The following PCDH9 variants were observed in gnomAD, a reference collection of about 807,000 sequenced individuals.
The protein encoded by PCDH9 is protocadherin 9.
PCDH9 carries 24 observed loss-of-function variants against 70.6 expected under a neutral mutation model. The ratio of observed to expected loss-of-function variants is 0.34; its 90% CI spans 0.25 to 0.48. The LOEUF (loss-of-function observed/expected upper bound fraction) is 0.48. Among genes scored for constraint, PCDH9 ranks in the 20% least tolerant of loss-of-function variants. PCDH9 has a pLI of 0.99. For synonymous variants in PCDH9, 562 were observed against 558.5 expected (o/e 1.01, Z -0.09); for missense variants, 1,281 against 1,503.6 (o/e 0.85, Z 2.45).
chr13:66,630,706 CT>C (rs5804285), intron 4 of PCDH9: 129,412 of 151,572 alleles, frequency 0.85, 56,008 homozygotes, highest in East Asian at 0.96. Context: ...TGATTTAATC[CT>C]TTTTTTTTTA....
At chr13:66,400,142 T>C (rs1033121955) in intron 4 of PCDH9, among the ~76,000 whole-genome samples, 2 of 152,200 alleles carry the variant, frequency 1.3e-5, no homozygotes, top group African/African-American at 4.8e-5. Context: ...CTTGCTGTCA[T>C]TGGTCATCCA....
At chr13:67,207,773 C>T (rs1272741707) in intron 2 of PCDH9, 2 of 152,258 alleles carry the variant, frequency 1.3e-5, no homozygotes, top group Non-Finnish European at 1.5e-5. Context: ...AAAGCTATGA[C>T]TAATCATGTC....
chr13:66,963,874 A>G (rs1251468511), intron 2 of PCDH9, among the ~76,000 whole-genome samples: 1 of 152,128 alleles, frequency 6.6e-6, no homozygotes, highest in Non-Finnish European at 1.5e-5. Flanking sequence ...GATAATGCAA[A>G]CTTTTTATAT....
At chr13:66,957,549 C>T (rs2083283079) in intron 2 of PCDH9, among the ~76,000 whole-genome samples, 2 of 152,270 alleles carry the variant, frequency 1.3e-5, no homozygotes, top group Admixed American at 1.3e-4. Flanking sequence ...AAAGCCCTAA[C>T]CCTCCATCCC....
chr13:67,119,443 C>CT (rs1357758175), intron 2 of PCDH9, among the ~76,000 whole-genome samples: 4 of 151,900 alleles, frequency 2.6e-5, no homozygotes, highest in Admixed American at 6.6e-5. Context: ...TTAAATATAG[C>CT]TATTAAAAAT....
chr13:66,305,064 A>C (rs921817888), intron 4 of PCDH9, 36 bp from the exon 5 acceptor site: 2 of 1,533,644 alleles, frequency 1.3e-6, no homozygotes, highest in Non-Finnish European at 1.8e-6. Flanking sequence ...AAGAAAAGGA[A>C]GTGGTTAAAA....
At chr13:67,015,703 C>T (rs2084547143) in intron 2 of PCDH9, among the ~76,000 whole-genome samples, 2 of 152,162 alleles carry the variant, frequency 1.3e-5, no homozygotes. Flanking sequence ...TCAACATCCA[C>T]CTACTATTCA....
chr13:66,727,032 A>T (rs1490329579), intron 3 of PCDH9, among the ~76,000 whole-genome samples: 1 of 152,110 alleles, frequency 6.6e-6, no homozygotes, highest in Admixed American at 6.6e-5. Flanking sequence ...CTGAATTGGG[A>T]GGATTGCTTG....
At chr13:67,004,629 T>A (rs970288397) in intron 2 of PCDH9, among the ~76,000 whole-genome samples, 25 of 151,220 alleles carry the variant, frequency 1.7e-4, no homozygotes, top group Non-Finnish European at 3.4e-4. Context: ...TATTTCAAAA[T>A]CAATATGTTT....
intron 2 of PCDH9, among the ~76,000 whole-genome samples, chr13:67,195,428 C>T (rs527972806): frequency 6.6e-6 from 1 of 152,292 alleles, no homozygotes; most frequent in South Asian, 2.1e-4. Flanking sequence ...CAGGCGTGAG[C>T]CACCGCGTAC....
chr13:66,321,097 TAGCTTACTGGGCTCCTGA>T (rs1955745456), intron 4 of PCDH9, among the ~76,000 whole-genome samples: 2 of 152,026 alleles, frequency 1.3e-5, no homozygotes, highest in South Asian at 4.1e-4. Flanking sequence ...TACACTGTCT[TAGCTTACTGGGCTCCTGA>T]AGCAAACTGT....
chr13:66,572,433 C>T (rs34591072), intron 4 of PCDH9, among the ~76,000 whole-genome samples: 1 of 151,844 alleles, frequency 6.6e-6, no homozygotes, highest in African/African-American at 2.4e-5. Context: ...CAATTTTTTT[C>T]GTTCCCACAT....
At chr13:66,724,382 T>C (rs2078979078) in intron 3 of PCDH9, among the ~76,000 whole-genome samples, 1 of 152,188 alleles carries the variant, frequency 6.6e-6, no homozygotes, top group African/African-American at 2.4e-5. Flanking sequence ...CCCTGCTTCA[T>C]CTAAGGGAGC....
chr13:66,779,847 CTCTA>C (rs1566189344), intron 3 of PCDH9, among the ~76,000 whole-genome samples: 2 of 59,700 alleles, frequency 3.4e-5, no homozygotes, highest in Admixed American at 2.2e-4. Flanking sequence ...CTCTCTCTCT[CTCTA>C]TATATATATA....
chr13:66,750,102 C>G (rs754965420), intron 3 of PCDH9, among the ~76,000 whole-genome samples: 2 of 152,028 alleles, frequency 1.3e-5, no homozygotes, highest in Non-Finnish European at 2.9e-5. Flanking sequence ...TGTGCACACA[C>G]ACACACAATA....
At chr13:66,332,752 G>A (rs1955965807) in intron 4 of PCDH9, among the ~76,000 whole-genome samples, 1 of 151,218 alleles carries the variant, frequency 6.6e-6, no homozygotes, top group East Asian at 1.9e-4. Flanking sequence ...GAGGAGAAGG[G>A]GACAGAGCAG....
intron 4 of PCDH9, among the ~76,000 whole-genome samples, chr13:66,604,714 T>C (rs536698022): frequency 1.9e-4 from 29 of 152,210 alleles, no homozygotes; most frequent in African/African-American, 7.0e-4. Flanking sequence ...TATTAAAATA[T>C]ATACACAAAT....
At chr13:66,539,360 C>T (rs565291991) in intron 4 of PCDH9, among the ~76,000 whole-genome samples, 34 of 152,112 alleles carry the variant, frequency 2.2e-4, no homozygotes, top group African/African-American at 7.5e-4. Flanking sequence ...GGGAGGGACT[C>T]GGAAGAAAGT....
chr13:66,309,092 G>A lies in PCDH9; in HGVS notation c.3341-4064C>T, dbSNP rs114938320. Reference sequence around the variant, plus strand: ...TTATGGGGTACTTACTTTATGCTTCGGTAAGTTTTTATTTTGGGACATGAC... The same window carrying A: ...TTATGGGGTACTTACTTTATGCTTCAGTAAGTTTTTATTTTGGGACATGAC... On this transcript the variant is annotated intron_variant, in intron 4 of 4. Transcript: ENST00000377865. 6.4e-3 allele frequency among the ~76,000 whole-genome samples: 966 copies of A among 151,798 alleles called. 6 individuals are homozygous for A. Among genetic ancestry groups the A allele is most frequent in the African/African-American group, 0.022 (913 of 41,412 alleles).
Sources: allele counts gnomAD v4.1 joint callset (sites outside exome capture counted in the v4.1 genomes callset), GRCh38; gene constraint gnomAD v4.1.1; transcripts MANE v1.5; gene names NCBI Gene and HGNC (gene_info 2026-07-23, HGNC 2026-07-21).